Variants in SLC28A1 observed in about 807,000 individuals in gnomAD.
SLC28A1 encodes solute carrier family 28 member 1.
SLC28A1 carries 64 observed loss-of-function variants against 74.8 expected under a neutral mutation model. That is an observed-to-expected ratio of 0.86 (90% CI 0.70 to 1.05). The LOEUF (loss-of-function observed/expected upper bound fraction) is 1.05, where lower values mean the gene tolerates loss of function less well. Among genes scored for constraint, SLC28A1 ranks in the 50% least tolerant of loss-of-function variants. SLC28A1 has a pLI of 0.00. For missense variants in SLC28A1, 828 were observed against 822.8 expected (o/e 1.01, Z -0.08); for synonymous variants, 359 against 335.0 (o/e 1.07, Z -0.78).
intron 8 of SLC28A1, 108 bp from the exon 9 acceptor site, chr15:84,908,610 G>C: frequency 1.1e-6 from 1 of 882,944 alleles, no homozygotes; most frequent in Non-Finnish European, 1.9e-6. Flanking sequence ...TAAGGGCCTG[G>C]GGGGACTACG....
chr15:84,946,932 C>T (rs2079253057), downstream of SLC28A1, among the ~76,000 whole-genome samples: 1 of 152,224 alleles, frequency 6.6e-6, no homozygotes, highest in South Asian at 2.1e-4. Flanking sequence ...TGCTGGGGCC[C>T]TACACCCTCA....
At chr15:84,907,231 T>C (rs1176256908) in intron 8 of SLC28A1, among the ~76,000 whole-genome samples, 1 of 152,266 alleles carries the variant, frequency 6.6e-6, no homozygotes, top group Non-Finnish European at 1.5e-5. Context: ...TGGTTTGGTC[T>C]GTTGGGAGTA....
chr15:84,886,600 C>T (rs1460304050), intron 1 of SLC28A1, 72 bp from the exon 2 acceptor site: 2 of 985,526 alleles, frequency 2.0e-6, no homozygotes, highest in Non-Finnish European at 2.4e-6. Flanking sequence ...GGCTGTGGCC[C>T]TGGCCTCTGG....
chr15:84,906,548 CTTTCTTTCTTTCTTTCTCTTT>C (rs1567140125), intron 8 of SLC28A1, among the ~76,000 whole-genome samples: 47 of 81,450 alleles, frequency 5.8e-4, no homozygotes, highest in Non-Finnish European at 7.9e-4. Flanking sequence ...TTCTTTCTTT[CTTTCTTTCTTTCTTTCTCTTT>C]CTTTCTTCCT....
chr15:84,911,872 A>AGAAGAAG lies in SLC28A1; in HGVS notation c.795+3077_795+3078insGAAGAAG, dbSNP rs1289662623. 4.7e-5 allele frequency among the ~76,000 whole-genome samples: 7 copies of AGAAGAAG among 149,252 alleles called. 1 individual carries two copies. Among genetic ancestry groups the AGAAGAAG allele is most frequent in the Non-Finnish European group, 7.4e-5 (5 of 67,440 alleles). ...AGACTCCATCTCAAAAAAAAAAAAAAAAAAAGAAGAAGAAGAAGAAAATAA... is the reference window on the plus strand; with the variant it reads ...AGACTCCATCTCAAAAAAAAAAAAAAGAAGAAGAAAAAGAAGAAGAAGAAGAAAATAA... On this transcript the variant is annotated intron_variant, in intron 9 of 18. Coordinates refer to ENST00000394573, the MANE Select transcript of SLC28A1 (RefSeq NM_004213.5).
rs769832351 is a variant in SLC28A1 at position 84,935,011 on chromosome 15, T to C, written c.1215-15T>C. On this transcript the variant is annotated splice_polypyrimidine_tract_variant and intron_variant, in intron 13 of 18. Transcript: ENST00000394573. ...GAGACAGGCCAGTAATGATCATTCT[T>C]GATCCCAACAACAGAGATGCTCAGA... is the stretch of plus-strand genomic sequence containing the variant. 6.2e-7 allele frequency: 1 copy of C among 1,613,106 alleles called. No homozygotes were observed. The highest frequency in any genetic ancestry group is 1.1e-5 in the South Asian group (1 of 91,066).
chr15:84,921,675 C>T (rs1189994313), intron 11 of SLC28A1, among the ~76,000 whole-genome samples: 1 of 152,160 alleles, frequency 6.6e-6, no homozygotes, highest in African/African-American at 2.4e-5. Context: ...TGCCATATTT[C>T]ACTGGACAGT....
Position 84,918,836 on chromosome 15 carries a change from A to T in SLC28A1, c.876+232A>T, listed in dbSNP as rs12595227. 4.1e-3 allele frequency among the ~76,000 whole-genome samples: 221 copies of T among 54,378 alleles called. 16 individuals carry two copies. Among genetic ancestry groups the T allele is most frequent in the African/African-American group, 0.013 (198 of 15,154 alleles). 35.7% of individuals were successfully genotyped at this position (54,378 alleles called of 152,430 possible). The stretch of plus-strand genomic sequence containing the variant: ...TTGCTCCTGAGGCCCATACCTTCCC[A>T]GAATCCCCAACTCTTAGAGTTCACA... On this transcript the variant is annotated intron_variant, in intron 10 of 18. Coordinates refer to ENST00000394573, the MANE Select transcript of SLC28A1 (RefSeq NM_004213.5).
In SLC28A1 at chr15:84,924,207, C is replaced by T. The variant is rs577003183; in HGVS notation, c.1083+97C>T. 1.9e-5 allele frequency: 27 copies of T among 1,395,834 alleles called. No homozygotes were observed. In the Admixed American group the frequency reaches 3.7e-4, roughly 19 times the overall value. The allele number at this position is 1,395,834 out of a possible 1,614,324, so 86.5% of individuals were successfully genotyped here. On this transcript the variant is annotated intron_variant, in intron 12 of 18. Transcript: ENST00000394573. The stretch of plus-strand genomic sequence containing the variant: ...CTCCTGGCCAGAGCAGCCCTCAGAT[C>T]TTCTCTCTTGGGCCTGCTGTGCTGG...
Position 84,933,213 on chromosome 15 carries a change from G to C in SLC28A1, c.1152G>C (p.Leu384=). 1 of 1,611,428 alleles carries C rather than the reference G, an allele frequency of 6.2e-7. No homozygotes were observed. The highest frequency in any genetic ancestry group is 1.1e-5 in the South Asian group (1 of 91,050). The part of the protein sequence containing the change: ...AAPCALALSK[L]VYPEVEESKF... ...CTTGTGCCTTGGCCCTCTCCAAGCT[G>C]GTCTACCCGGAGGTGGAGGAGTCCA... The change falls in exon 13 of 19, where the codon CTG becomes CTC. Residue 384 remains leucine (L), a synonymous_variant. Coordinates refer to ENST00000394573, the MANE Select transcript of SLC28A1 (RefSeq NM_004213.5).
At chr15:84,944,930 TG>T (rs918650633) in intron 18 of SLC28A1, 63 bp downstream of exon 18, 107 of 1,253,042 alleles carry the variant, frequency 8.5e-5, no homozygotes, top group Middle Eastern at 1.9e-4. Context: ...GCCTGAGCGC[TG>T]GGGGGGATGC....
chr15:84,885,984 T>C, intron 1 of SLC28A1: 1 of 237,416 alleles, frequency 4.2e-6, no homozygotes, highest in Non-Finnish European at 6.9e-6. Flanking sequence ...TACTAGCAAG[T>C]ATTTATGCAT....
chr15:84,970,840 A>T, the SLC28A1 span, among the ~76,000 whole-genome samples: 1 of 152,162 alleles, frequency 6.6e-6, no homozygotes, highest in African/African-American at 2.4e-5. Flanking sequence ...TCTACAAAAA[A>T]AAACAAAAAC....
intron 6 of SLC28A1, among the ~76,000 whole-genome samples, chr15:84,896,770 C>G (rs12900488): frequency 0.1 from 15,749 of 152,130 alleles, 1,069 homozygotes; most frequent in Non-Finnish European, 0.13. Context: ...TATATCCATA[C>G]AATAGAATAT....
the SLC28A1 span, among the ~76,000 whole-genome samples, chr15:84,956,675 T>C: frequency 6.6e-6 from 1 of 150,620 alleles, no homozygotes; most frequent in African/African-American, 2.4e-5. Flanking sequence ...ACTTTTTTTT[T>C]TTTTTTTTTA....
intron 12 of SLC28A1, among the ~76,000 whole-genome samples, chr15:84,930,656 C>T (rs1295677205): frequency 4.4e-5 from 6 of 136,716 alleles, no homozygotes; most frequent in African/African-American, 1.1e-4. Context: ...CTCACTCTGT[C>T]GCCCGGGCTG....
chr15:84,910,922 G>A (rs1669551101), intron 9 of SLC28A1, among the ~76,000 whole-genome samples: 1 of 152,198 alleles, frequency 6.6e-6, no homozygotes, highest in South Asian at 2.1e-4. Context: ...GGACAGAAGA[G>A]ATTTGGACAG....
chr15:84,887,995 C>G, intron 3 of SLC28A1, 139 bp downstream of exon 3: 1 of 683,920 alleles, frequency 1.5e-6, no homozygotes. Context: ...TTTGCTGGCA[C>G]AGTTATGAAC....
At chr15:84,928,571 T>TC in intron 12 of SLC28A1, among the ~76,000 whole-genome samples, 1 of 16,924 alleles carries the variant, frequency 5.9e-5, no homozygotes, top group Admixed American at 4.5e-4. Context: ...TCTTTCTTTC[T>TC]TTCTTTCTTT....
Sources: gnomAD v4.1 joint callset for allele counts (sites outside exome capture counted in the v4.1 genomes callset) on GRCh38, gnomAD v4.1.1 for gene constraint, MANE v1.5 for transcripts, NCBI Gene and HGNC (gene_info 2026-07-23, HGNC 2026-07-21) for gene names.